ZCCHC7: variants seen among roughly 807,000 people sequenced by gnomAD.
ZCCHC7 encodes the protein zinc finger CCHC domain-containing protein 7.
A neutral mutation model predicts 52.0 loss-of-function variants in ZCCHC7; 35 were observed. The ratio of observed to expected loss-of-function variants is 0.67; its 90% CI spans 0.51 to 0.89. ZCCHC7 has a LOEUF of 0.89. Among genes scored for constraint, ZCCHC7 ranks in the 40% least tolerant of loss-of-function variants. The probability of loss-of-function intolerance (pLI) is 0.00; values close to 1 mark genes in which losing one functional copy is unlikely to be tolerated. For synonymous variants in ZCCHC7, 217 were observed against 221.5 expected (o/e 0.98, Z 0.18); for missense variants, 574 against 649.1 (o/e 0.88, Z 1.26).
intron 2 of ZCCHC7, among the ~76,000 whole-genome samples, chr9:37,200,161 T>C (rs994801853): frequency 5.9e-5 from 9 of 152,224 alleles, no homozygotes; most frequent in African/African-American, 2.2e-4. Flanking sequence ...ACTTTGTTTT[T>C]CTAATTTCCT....
At chr9:37,300,863 G>A (rs575451650) in intron 2 of ZCCHC7, among the ~76,000 whole-genome samples, 9 of 152,256 alleles carry the variant, frequency 5.9e-5, no homozygotes, top group African/African-American at 1.4e-4. Context: ...CCATTTGCAC[G>A]TTTGTGAAAG....
intron 2 of ZCCHC7, among the ~76,000 whole-genome samples, chr9:37,264,474 G>A (rs1395801489): frequency 6.6e-6 from 1 of 151,640 alleles, no homozygotes; most frequent in Non-Finnish European, 1.5e-5. Context: ...TTTTTGTGGA[G>A]GGCAGAGAAT....
chr9:37,295,482 A>G (rs1235882407), intron 2 of ZCCHC7, among the ~76,000 whole-genome samples: 1 of 152,214 alleles, frequency 6.6e-6, no homozygotes, highest in Admixed American at 6.5e-5. Context: ...TGGAATGAAA[A>G]GCAGTGTGTG....
chr9:37,151,457 A>G (rs981646900), intron 2 of ZCCHC7, among the ~76,000 whole-genome samples: 1 of 152,140 alleles, frequency 6.6e-6, no homozygotes, highest in Admixed American at 6.5e-5. Context: ...TGACTTAGCT[A>G]CTTAGGTTGT....
At chr9:37,150,402 T>C (rs921265102) in intron 2 of ZCCHC7, among the ~76,000 whole-genome samples, 1 of 152,234 alleles carries the variant, frequency 6.6e-6, no homozygotes, top group African/African-American at 2.4e-5. Flanking sequence ...ATATATTAAA[T>C]CTGAAATTTC....
chr9:37,236,629 C>A (rs553982635), intron 2 of ZCCHC7, among the ~76,000 whole-genome samples: 1 of 152,006 alleles, frequency 6.6e-6, no homozygotes, highest in Non-Finnish European at 1.5e-5. Flanking sequence ...CTTCTGACCT[C>A]GTGATCCGCC....
At chr9:37,130,731 C>T (rs1588347069) in intron 2 of ZCCHC7, among the ~76,000 whole-genome samples, 3 of 151,694 alleles carry the variant, frequency 2.0e-5, no homozygotes, top group East Asian at 4.0e-4. Context: ...CTCCTGACCT[C>T]GTGATCCGCC....
intron 2 of ZCCHC7, among the ~76,000 whole-genome samples, chr9:37,226,684 C>T (rs1286746310): frequency 6.6e-6 from 1 of 152,068 alleles, no homozygotes; most frequent in Non-Finnish European, 1.5e-5. Context: ...CAGTAATTAA[C>T]TTGGGACATA....
intron 2 of ZCCHC7, among the ~76,000 whole-genome samples, chr9:37,284,840 TAGTC>T (rs1396746010): frequency 3.3e-5 from 5 of 152,210 alleles, no homozygotes; most frequent in East Asian, 1.9e-4. Context: ...GGATTATAAA[TAGTC>T]AGTCTGTTTC....
chr9:37,185,937 T>C (rs1822630539), intron 2 of ZCCHC7, among the ~76,000 whole-genome samples: 1 of 152,090 alleles, frequency 6.6e-6, no homozygotes, highest in Non-Finnish European at 1.5e-5. Context: ...TTTATTTATT[T>C]ATTTATTTAT....
chr9:37,135,134 T>A (rs1842945642), intron 2 of ZCCHC7, among the ~76,000 whole-genome samples: 2 of 152,216 alleles, frequency 1.3e-5, no homozygotes, highest in Admixed American at 1.3e-4. Flanking sequence ...GTAAAGATAT[T>A]TAATATTTCT....
chr9:37,177,692 CTT>C (rs979154059), intron 2 of ZCCHC7, among the ~76,000 whole-genome samples: 1 of 152,158 alleles, frequency 6.6e-6, no homozygotes, highest in African/African-American at 2.4e-5. Context: ...AGGATATACT[CTT>C]GATATGATAT....
chr9:37,306,779 T>C (rs1588645319), intron 5 of ZCCHC7, among the ~76,000 whole-genome samples: 5 of 69,654 alleles, frequency 7.2e-5, no homozygotes, highest in Admixed American at 1.6e-4. Context: ...TTTTTTTTTT[T>C]TTTTTTTTTT....
intron 2 of ZCCHC7, among the ~76,000 whole-genome samples, chr9:37,264,692 C>A (rs1040439976): frequency 1.3e-5 from 2 of 152,024 alleles, no homozygotes; most frequent in Admixed American, 6.6e-5. Flanking sequence ...GGATATATTT[C>A]CTCCTAAGTA....
chr9:37,334,127 T>C (rs1830555664), intron 6 of ZCCHC7, among the ~76,000 whole-genome samples: 1 of 151,942 alleles, frequency 6.6e-6, no homozygotes. Context: ...AGAAGTATTA[T>C]GTAGATAACT....
intron 2 of ZCCHC7, among the ~76,000 whole-genome samples, chr9:37,129,590 G>A (rs1445811469): frequency 6.6e-6 from 1 of 152,092 alleles, no homozygotes; most frequent in Non-Finnish European, 1.5e-5. Flanking sequence ...TCTCATTTCT[G>A]TAAAAGTGTA....
At chr9:37,161,252 G>A (rs1821085361) in intron 2 of ZCCHC7, among the ~76,000 whole-genome samples, 1 of 152,026 alleles carries the variant, frequency 6.6e-6, no homozygotes, top group Non-Finnish European at 1.5e-5. Context: ...CCTGGCCAAG[G>A]AATCTATATC....
intron 2 of ZCCHC7, among the ~76,000 whole-genome samples, chr9:37,263,264 C>A (rs1826949723): frequency 6.6e-6 from 1 of 151,764 alleles, no homozygotes; most frequent in African/African-American, 2.4e-5. Context: ...ATCTTACTTT[C>A]TTGTTGAAAG....
At chr9:37,128,659 CTG>C (rs1260396948) in intron 2 of ZCCHC7, among the ~76,000 whole-genome samples, 4 of 152,180 alleles carry the variant, frequency 2.6e-5, no homozygotes, top group African/African-American at 9.7e-5. Context: ...GTAACTAATT[CTG>C]CAGTTTCCCA....
Sources: gnomAD v4.1 joint callset for allele counts (sites outside exome capture counted in the v4.1 genomes callset) on GRCh38, gnomAD v4.1.1 for gene constraint, MANE v1.5 for transcripts, NCBI Gene and HGNC (gene_info 2026-07-23, HGNC 2026-07-21) for gene names.